The following FANK1 variants were observed in gnomAD, a reference collection of about 807,000 sequenced individuals.
FANK1 encodes the protein fibronectin type III and ankyrin repeat domains 1, also known as fibronectin type 3 and ankyrin repeat domains protein 1.
A neutral mutation model predicts 45.3 loss-of-function variants in FANK1; 44 were observed. That is an observed-to-expected ratio of 0.97 (90% CI 0.76 to 1.25). The LOEUF (loss-of-function observed/expected upper bound fraction) is 1.25. Ranked by LOEUF, FANK1 falls within the 50% of genes most tolerant of loss-of-function variation. The pLI is 0.00. For missense variants in FANK1, 391 were observed against 424.4 expected (o/e 0.92, Z 0.69); for synonymous variants, 149 against 152.5 (o/e 0.98, Z 0.17).
At chr10:125,903,666 A>AT (rs376022801) in intron 1 of FANK1, among the ~76,000 whole-genome samples, 20 of 139,712 alleles carry the variant, frequency 1.4e-4, no homozygotes, top group African/African-American at 4.6e-4. Context: ...CCCATCTCTA[A>AT]TTTTTTTTTA....
chr10:125,992,794 G>A (rs7899643), intron 3 of FANK1, among the ~76,000 whole-genome samples: 7,366 of 151,918 alleles, frequency 0.048, 469 homozygotes, highest in African/African-American at 0.14. Flanking sequence ...GGTTGGGGCT[G>A]TGCCCTTAGA....
At chr10:125,928,822 T>TC (rs964353177) in intron 1 of FANK1, among the ~76,000 whole-genome samples, 1 of 152,236 alleles carries the variant, frequency 6.6e-6, no homozygotes, top group African/African-American at 2.4e-5. Context: ...TCTTCTTGTT[T>TC]AAAATTACTG....
At chr10:125,949,963 A>G (rs1262245845) in intron 1 of FANK1, among the ~76,000 whole-genome samples, 1 of 115,542 alleles carries the variant, frequency 8.7e-6, no homozygotes, top group African/African-American at 3.0e-5. Context: ...ATAACGCCGC[A>G]TATCTACAAC....
intron 1 of FANK1, among the ~76,000 whole-genome samples, chr10:125,948,195 AT>A: frequency 6.7e-6 from 1 of 148,714 alleles, no homozygotes; most frequent in Non-Finnish European, 1.5e-5. Flanking sequence ...TAACATCACA[AT>A]TAAAAGAACT....
intron 1 of FANK1, among the ~76,000 whole-genome samples, chr10:125,938,714 C>T (rs1948258794): frequency 6.6e-6 from 1 of 152,106 alleles, no homozygotes; most frequent in African/African-American, 2.4e-5. Context: ...GAGGCTGAGG[C>T]AGGAGAATCG....
intron 1 of FANK1, among the ~76,000 whole-genome samples, chr10:125,921,593 CA>C (rs1225805615): frequency 1.3e-5 from 2 of 152,112 alleles, no homozygotes; most frequent in East Asian, 3.9e-4. Flanking sequence ...CAGAACCTGC[CA>C]AATTGTCTTC....
chr10:125,995,018 G>T, intron 3 of FANK1: 4 of 808,784 alleles, frequency 4.9e-6, no homozygotes, highest in Non-Finnish European at 4.3e-6. Context: ...AAAGCACTTT[G>T]TCTTTTTTTT....
intron 1 of FANK1, among the ~76,000 whole-genome samples, chr10:125,932,965 AT>A (rs962336405): frequency 4.0e-5 from 6 of 151,066 alleles, no homozygotes; most frequent in Admixed American, 2.0e-4. Context: ...AGATCATGTC[AT>A]TTTTTTTTAA....
At chr10:125,915,081 G>A (rs914326161) in intron 1 of FANK1, among the ~76,000 whole-genome samples, 3 of 152,148 alleles carry the variant, frequency 2.0e-5, no homozygotes, top group African/African-American at 7.2e-5. Context: ...AAGGGATCCA[G>A]CTACAACTCC....
intron 1 of FANK1, among the ~76,000 whole-genome samples, chr10:125,951,123 T>G (rs12765418): frequency 7.0e-6 from 1 of 143,466 alleles, no homozygotes; most frequent in Admixed American, 6.9e-5. Context: ...GGGATAGCAA[T>G]GGGAGATATA....
intron 6 of FANK1, among the ~76,000 whole-genome samples, chr10:126,002,756 G>A (rs895641938): frequency 1.4e-5 from 2 of 138,020 alleles, no homozygotes; most frequent in Non-Finnish European, 3.1e-5. Context: ...GGCCATATTT[G>A]CCTCTCCTTT....
intron 1 of FANK1, among the ~76,000 whole-genome samples, chr10:125,897,592 G>A (rs948965280): frequency 4.7e-5 from 7 of 150,432 alleles, no homozygotes; most frequent in African/African-American, 1.7e-4. Flanking sequence ...CATTTTTAAA[G>A]GTCATTCGTT....
chr10:125,947,850 C>A (rs1204591368), intron 1 of FANK1, among the ~76,000 whole-genome samples: 2 of 131,286 alleles, frequency 1.5e-5, no homozygotes, highest in African/African-American at 5.4e-5. Context: ...CCAAAATTGA[C>A]CACATACTTG....
intron 1 of FANK1, among the ~76,000 whole-genome samples, chr10:125,970,454 C>T (rs998623962): frequency 1.3e-4 from 19 of 151,924 alleles, no homozygotes; most frequent in Admixed American, 3.9e-4. Context: ...CTGCAATCTC[C>T]GCACTTTGGG....
intron 1 of FANK1, among the ~76,000 whole-genome samples, 165 bp from the exon 2 acceptor site, chr10:125,979,994 ATC>A (rs1403446438): frequency 6.6e-6 from 1 of 152,180 alleles, no homozygotes; most frequent in African/African-American, 2.4e-5. Flanking sequence ...TGAATTTTGT[ATC>A]TCTTTAGCTT....
At chr10:125,969,508 T>C (rs1466975294) in intron 1 of FANK1, among the ~76,000 whole-genome samples, 2 of 152,160 alleles carry the variant, frequency 1.3e-5, no homozygotes, top group African/African-American at 4.8e-5. Flanking sequence ...GAATAGAGCA[T>C]CTATAAAAAC....
At chr10:126,000,113 A>T (rs1163291192) in intron 6 of FANK1, among the ~76,000 whole-genome samples, 1 of 152,224 alleles carries the variant, frequency 6.6e-6, no homozygotes, top group East Asian at 1.9e-4. Flanking sequence ...TTACTGAGAG[A>T]TATAAAAATT....
At chr10:125,945,140 T>C (rs4962499) in intron 1 of FANK1, among the ~76,000 whole-genome samples, 19,533 of 152,350 alleles carry the variant, frequency 0.13, 1,817 homozygotes, top group Admixed American at 0.31. Context: ...ATGTGTCTTA[T>C]GATTAAGAGC....
At chr10:125,942,198 G>A (rs1339577549) in intron 1 of FANK1, among the ~76,000 whole-genome samples, 1 of 152,230 alleles carries the variant, frequency 6.6e-6, no homozygotes, top group Non-Finnish European at 1.5e-5. Context: ...TTCATGGGCA[G>A]TGTGCAAGAG....
Sources: gnomAD v4.1 joint callset for allele counts (sites outside exome capture counted in the v4.1 genomes callset) on GRCh38, gnomAD v4.1.1 for gene constraint, MANE v1.5 for transcripts, NCBI Gene and HGNC (gene_info 2026-07-23, HGNC 2026-07-21) for gene names.